Variants in TCF7L1 observed in about 807,000 individuals in gnomAD.
The protein encoded by TCF7L1 is transcription factor 7 like 1.
A neutral mutation model predicts 63.7 loss-of-function variants in TCF7L1; 18 were observed. The ratio of observed to expected loss-of-function variants is 0.28; its 90% CI spans 0.20 to 0.42. The LOEUF is 0.42. Ranked by LOEUF, TCF7L1 falls within the 10% of genes least tolerant of loss-of-function variation. TCF7L1 has a pLI of 1.00. For missense variants in TCF7L1, 654 were observed against 779.3 expected (o/e 0.84, Z 1.91); for synonymous variants, 355 against 340.9 (o/e 1.04, Z -0.46).
chr2:85,286,235 A>T (rs1204014315), intron 4 of TCF7L1, among the ~76,000 whole-genome samples: 1 of 151,662 alleles, frequency 6.6e-6, no homozygotes, highest in African/African-American at 2.4e-5. Context: ...CGCGCCTGTA[A>T]TCCCAGCTAT....
chr2:85,263,233 T>C (rs1680895081), intron 3 of TCF7L1, among the ~76,000 whole-genome samples: 1 of 149,906 alleles, frequency 6.7e-6, no homozygotes, highest in African/African-American at 2.5e-5. Context: ...GAATAGGCAG[T>C]TGGAGATGGG....
chr2:85,182,739 G>C (rs543687700), intron 3 of TCF7L1, among the ~76,000 whole-genome samples: 1 of 152,126 alleles, frequency 6.6e-6, no homozygotes, highest in Non-Finnish European at 1.5e-5. Flanking sequence ...TCCCCATCAC[G>C]GTCCAATGCA....
intron 3 of TCF7L1, among the ~76,000 whole-genome samples, chr2:85,236,556 A>G (rs924208332): frequency 6.6e-6 from 1 of 152,140 alleles, no homozygotes; most frequent in Admixed American, 6.5e-5. Flanking sequence ...AAGGTGAGAG[A>G]CAGGTGCTGG....
At position 85,309,669 on chromosome 2, in the gene TCF7L1, A is replaced by C; in HGVS notation, c.*207A>C. 4.2e-6 allele frequency: 2 copies of C among 479,636 alleles called. No homozygotes were observed. The highest frequency in any genetic ancestry group is 1.1e-4 in the South Asian group (2 of 17,500). The allele number at this position is 479,636 out of a possible 1,614,324, so 29.7% of individuals were successfully genotyped here. A position where few individuals can be genotyped will look rare whatever the true frequency, so the allele number is the denominator to read the frequency against. On this transcript the variant is annotated 3_prime_UTR_variant, in exon 12 of 12. Transcript: ENST00000282111. ...TAAAAAACAAAACAAAACAACAAAA[A>C]AAAATCTTTATAAGAAAGAGAACTG...
chr2:85,307,230 G>A (rs374452879), intron 10 of TCF7L1, among the ~76,000 whole-genome samples: 2 of 152,130 alleles, frequency 1.3e-5, no homozygotes, highest in Non-Finnish European at 2.9e-5. Flanking sequence ...CTAAGCTCCC[G>A]GAAACCAAGC....
intron 3 of TCF7L1, among the ~76,000 whole-genome samples, chr2:85,231,624 C>T (rs1680083118): frequency 6.6e-6 from 1 of 152,176 alleles, no homozygotes. Flanking sequence ...CCCTGGGCAC[C>T]AGGGAGTATG....
At chr2:85,278,876 G>T (rs1000211432) in intron 3 of TCF7L1, among the ~76,000 whole-genome samples, 2 of 152,218 alleles carry the variant, frequency 1.3e-5, no homozygotes, top group African/African-American at 4.8e-5. Flanking sequence ...ATCCAAAAGC[G>T]GGTATTTAAC....
rs187207074 is a variant in TCF7L1 at position 85,292,320 on chromosome 2, G to A, written c.525+8742G>A. Among the ~76,000 whole-genome samples the A allele has an allele frequency of 2.0e-5, 3 of 147,964 alleles. 1 individual carries two copies. Among genetic ancestry groups the A allele is most frequent in the Non-Finnish European group, 3.0e-5 (2 of 66,958 alleles). The stretch of plus-strand genomic sequence containing the variant: ...CAGGCGTGAGCCACCGCGCCCGGCC[G>A]GTCATATGTATTTTTAAGGGAGAAT... On this transcript the variant is annotated intron_variant, in intron 4 of 11. Coordinates refer to ENST00000282111, the MANE Select transcript of TCF7L1 (RefSeq NM_031283.3).
At chr2:85,241,570 C>T (rs760807439) in intron 3 of TCF7L1, among the ~76,000 whole-genome samples, 17 of 151,048 alleles carry the variant, frequency 1.1e-4, no homozygotes, top group Admixed American at 2.0e-4. Flanking sequence ...CCTTAGCCTC[C>T]TGACAGCTAG....
intron 3 of TCF7L1, among the ~76,000 whole-genome samples, chr2:85,199,928 G>A (rs941777199): frequency 6.6e-6 from 1 of 152,090 alleles, no homozygotes; most frequent in East Asian, 1.9e-4. Flanking sequence ...TTTATCTCCT[G>A]ACAACCACTC....
At chr2:85,235,055 A>G (rs1489545837) in intron 3 of TCF7L1, among the ~76,000 whole-genome samples, 7 of 152,110 alleles carry the variant, frequency 4.6e-5, no homozygotes, top group East Asian at 1.9e-4. Context: ...TAATAGCTCA[A>G]TTGTGTGTAA....
chr2:85,187,424 G>A (rs1434549277), intron 3 of TCF7L1, among the ~76,000 whole-genome samples: 1 of 152,194 alleles, frequency 6.6e-6, no homozygotes, highest in African/African-American at 2.4e-5. Flanking sequence ...CATGTGCCCT[G>A]TGTTTCTTGC....
In TCF7L1 at chr2:85,267,649, CAA is replaced by C. The variant is rs200180895; in HGVS notation, c.442-15829_442-15828del. ...GGGCGACAGAGGAAAGACTCTGTCTCAAAAAAAAAAAAAAAAAAGAGTTGGCT... is the reference window on the plus strand; with the variant it reads ...GGGCGACAGAGGAAAGACTCTGTCTCAAAAAAAAAAAAAAAAGAGTTGGCT... On this transcript the variant is annotated intron_variant, in intron 3 of 11. Transcript: ENST00000282111. Among the ~76,000 whole-genome samples the C allele has an allele frequency of 1.3e-3, 124 of 98,514 alleles. 1 individual carries two copies. The highest frequency in any genetic ancestry group is 4.1e-3 in the African/African-American group (96 of 23,152). 64.6% of individuals were successfully genotyped at this position (98,514 alleles called of 152,430 possible). A position where few individuals can be genotyped will look rare whatever the true frequency, so the allele number is the denominator to read the frequency against.
At chr2:85,269,747 C>G (rs1681098797) in intron 3 of TCF7L1, among the ~76,000 whole-genome samples, 2 of 152,328 alleles carry the variant, frequency 1.3e-5, no homozygotes, top group Non-Finnish European at 2.9e-5. Flanking sequence ...CTTCCACTGT[C>G]CGTCATAACT....
intron 4 of TCF7L1, among the ~76,000 whole-genome samples, chr2:85,292,025 T>TTTTTTTTTTTTTTG: frequency 6.1e-5 from 1 of 16,310 alleles, no homozygotes; most frequent in Non-Finnish European, 8.3e-5. Context: ...TTTTTTTTTT[T>TTTTTTTTTTTTTTG]TTTTTTTTTT....
intron 3 of TCF7L1, among the ~76,000 whole-genome samples, chr2:85,199,982 G>A (rs1164104362): frequency 2.0e-5 from 3 of 152,128 alleles, no homozygotes; most frequent in Non-Finnish European, 4.4e-5. Flanking sequence ...TAGGCATTTC[G>A]TCAGATGGAG....
rs151030354 is a variant in TCF7L1 at position 85,236,246 on chromosome 2, C to T, written c.442-47249C>T. Reference sequence around the variant, plus strand: ...CTGAAGTGAGTTATTCACTCAAGCCCGGTCTGTATCAGTGAGTATTTCAGA... The same window carrying T: ...CTGAAGTGAGTTATTCACTCAAGCCTGGTCTGTATCAGTGAGTATTTCAGA... On this transcript the variant is annotated intron_variant, in intron 3 of 11. Transcript: ENST00000282111. 2.9e-3 allele frequency among the ~76,000 whole-genome samples: 436 copies of T among 152,258 alleles called. 1 individual carries two copies. The highest frequency in any genetic ancestry group is 0.01 in the African/African-American group (417 of 41,546).
At chr2:85,219,395 A>G (rs551268855) in intron 3 of TCF7L1, among the ~76,000 whole-genome samples, 6 of 152,220 alleles carry the variant, frequency 3.9e-5, no homozygotes, top group Non-Finnish European at 5.9e-5. Context: ...TCTACTACAC[A>G]TGAGCACAAG....
intron 3 of TCF7L1, among the ~76,000 whole-genome samples, chr2:85,279,011 G>T (rs2104363986): frequency 6.6e-6 from 1 of 152,346 alleles, no homozygotes; most frequent in East Asian, 1.9e-4. Context: ...GAGGTGGCTG[G>T]ACCAGCCCGT....
Sources: allele counts gnomAD v4.1 joint callset (sites outside exome capture counted in the v4.1 genomes callset), GRCh38; gene constraint gnomAD v4.1.1; transcripts MANE v1.5; gene names NCBI Gene and HGNC (gene_info 2026-07-23, HGNC 2026-07-21).